Variants in CFAP92 observed in about 807,000 individuals in gnomAD.
The protein encoded by CFAP92 is uncharacterized protein CFAP92.
Under a neutral mutation model 106.3 loss-of-function variants are expected in CFAP92, and 86 were observed. The observed-to-expected ratio is 0.81, with a 90% CI of 0.68 to 0.97. The LOEUF is 0.97. CFAP92 is among the 50% of genes least tolerant of loss of function. The probability of loss-of-function intolerance (pLI) is 0.00; values close to 1 mark genes in which losing one functional copy is unlikely to be tolerated. For missense variants in CFAP92, 1,204 were observed against 1,283.8 expected (o/e 0.94, Z 0.95); for synonymous variants, 477 against 506.4 (o/e 0.94, Z 0.78).
At chr3:128,967,473 A>G (rs1159744281) in intron 8 of CFAP92, 2 of 152,220 alleles carry the variant, frequency 1.3e-5, no homozygotes, top group Admixed American at 1.3e-4. Flanking sequence ...AGGCCGAGGC[A>G]GGCGGATCAC....
intron 12 of CFAP92, among the ~76,000 whole-genome samples, chr3:128,924,664 CCCGAA>C (rs1937539480): frequency 6.6e-6 from 1 of 151,674 alleles, no homozygotes; most frequent in Non-Finnish European, 1.5e-5. Flanking sequence ...TCAGGCTAGT[CCCGAA>C]CTCCCAACCT....
intron 9 of CFAP92, among the ~76,000 whole-genome samples, chr3:128,950,413 C>T (rs886842067): frequency 2.6e-5 from 4 of 152,314 alleles, no homozygotes; most frequent in South Asian, 2.1e-4. Context: ...TGGAGGAAAA[C>T]GTCTGACCTG....
chr3:128,922,266 C>G (rs956616571), intron 12 of CFAP92, among the ~76,000 whole-genome samples: 1 of 151,948 alleles, frequency 6.6e-6, no homozygotes, highest in African/African-American at 2.4e-5. Flanking sequence ...TGGAGTGAAC[C>G]CAGGAGGTGG....
chr3:128,942,223 T>C (rs751854372), intron 10 of CFAP92, among the ~76,000 whole-genome samples: 5 of 152,198 alleles, frequency 3.3e-5, no homozygotes, highest in Non-Finnish European at 7.3e-5. Context: ...GAATACAGAC[T>C]AAAATCCGCC....
At chr3:128,939,339 A>T (rs1302682878) in intron 10 of CFAP92, among the ~76,000 whole-genome samples, 1 of 151,826 alleles carries the variant, frequency 6.6e-6, no homozygotes, top group East Asian at 1.9e-4. Flanking sequence ...GGTTTTCACC[A>T]TGTTGGCCAG....
intron 1 of CFAP92, chr3:129,001,653 G>T (rs2107843477): frequency 7.2e-7 from 1 of 1,394,714 alleles, no homozygotes; most frequent in Non-Finnish European, 9.3e-7. Flanking sequence ...CACGGGCGCG[G>T]AGGCCGGCAT....
At chr3:129,013,090 A>G in the CFAP92 span, among the ~76,000 whole-genome samples, 3 of 152,152 alleles carry the variant, frequency 2.0e-5, no homozygotes, top group Non-Finnish European at 4.4e-5. Context: ...CAGTGTCAGG[A>G]CTTTCACATG....
chr3:129,014,290 G>C, the CFAP92 span, among the ~76,000 whole-genome samples: 1 of 152,238 alleles, frequency 6.6e-6, no homozygotes, highest in Non-Finnish European at 1.5e-5. The surrounding 1 kb of genome is among the most constrained non-coding windows in gnomAD (Gnocchi z 4.3). Context: ...GGGAGTGTGA[G>C]TCAGCTCGGG....
At chr3:129,003,962 C>A, upstream of CFAP92, 19 of 1,446,506 alleles carry the variant, frequency 1.3e-5, no homozygotes, top group Non-Finnish European at 1.7e-5. Context: ...GGAGGAGGCC[C>A]GGCAGGTGGT....
At chr3:129,016,128 C>G in the CFAP92 span, among the ~76,000 whole-genome samples, 6 of 152,184 alleles carry the variant, frequency 3.9e-5, no homozygotes, top group Admixed American at 6.5e-5. Context: ...TTGATGCGTC[C>G]CCCTGGCTTT....
the CFAP92 span, among the ~76,000 whole-genome samples, chr3:129,020,593 C>T: frequency 7.9e-5 from 12 of 152,094 alleles, no homozygotes; most frequent in Non-Finnish European, 1.3e-4. Flanking sequence ...GCTGAGATCA[C>T]GCCACTGCAT....
chr3:128,981,096 G>A (rs1343703516), intron 4 of CFAP92, among the ~76,000 whole-genome samples: 5 of 151,280 alleles, frequency 3.3e-5, no homozygotes, highest in Non-Finnish European at 5.9e-5. Context: ...GAGTGCAGTG[G>A]TGCGATCTCG....
chr3:129,014,391 C>T, the CFAP92 span, among the ~76,000 whole-genome samples: 2 of 152,182 alleles, frequency 1.3e-5, no homozygotes, highest in African/African-American at 2.4e-5. The surrounding 1 kb of genome is among the most constrained non-coding windows in gnomAD (Gnocchi z 4.3). Context: ...GGTGTCGCAG[C>T]GTTGGCTTCT....
chr3:129,016,512 C>A, the CFAP92 span, among the ~76,000 whole-genome samples: 1 of 150,952 alleles, frequency 6.6e-6, no homozygotes, highest in African/African-American at 2.4e-5. Context: ...GTGTCTAGAG[C>A]CTCTGGGGAA....
At chr3:128,910,713 A>ATATC (rs779008004) in intron 15 of CFAP92, 5 of 1,613,600 alleles carry the variant, frequency 3.1e-6, no homozygotes, top group Admixed American at 3.3e-5. Flanking sequence ...GAATTTGGGC[A>ATATC]TATCTTTTCT....
intron 1 of CFAP92, among the ~76,000 whole-genome samples, chr3:129,000,404 A>G (rs568798294): frequency 5.9e-5 from 9 of 152,202 alleles, no homozygotes; most frequent in Non-Finnish European, 1.3e-4. Flanking sequence ...ACAGAATGCT[A>G]TCGCTTTTCA....
intron 15 of CFAP92, chr3:128,912,511 T>G: frequency 6.2e-7 from 1 of 1,613,548 alleles, no homozygotes; most frequent in Non-Finnish European, 8.5e-7. Context: ...TCCCAGATGC[T>G]CCAGAAAACC....
chr3:128,956,199 A>T lies in CFAP92; in HGVS notation c.1353+9312T>A, dbSNP rs1388638458. 7.7e-3 allele frequency among the ~76,000 whole-genome samples: 790 copies of T among 101,958 alleles called. 13 individuals carry two copies. The highest frequency in any genetic ancestry group is 0.037 in the African/African-American group (483 of 13,040). 66.9% of individuals were successfully genotyped at this position (101,958 alleles called of 152,430 possible). On this transcript the variant is annotated intron_variant, in intron 9 of 15. Coordinates refer to ENST00000645291, the MANE Select transcript of CFAP92 (RefSeq NM_001394090.1). ...AAAAATAAATTAAAAAAAAAAATAA[A>T]AAAAAAATAAAAAAATAAAAAAAAA...
chr3:128,921,304 G>C (rs1183404385), intron 12 of CFAP92, among the ~76,000 whole-genome samples: 2 of 152,224 alleles, frequency 1.3e-5, no homozygotes, highest in Non-Finnish European at 2.9e-5. Flanking sequence ...AAGAAGCTCA[G>C]CAGGAAAGCT....
Sources: allele counts gnomAD v4.1 joint callset (sites outside exome capture counted in the v4.1 genomes callset), GRCh38; gene constraint gnomAD v4.1.1; non-coding constraint Gnocchi (gnomAD v3.1); transcripts MANE v1.5; gene names NCBI Gene and HGNC (gene_info 2026-07-23, HGNC 2026-07-21).